Variants in TXNDC9 observed in about 807,000 individuals in gnomAD.
The protein encoded by TXNDC9 is thioredoxin domain containing 9, also known as thioredoxin domain-containing protein 9.
Under a neutral mutation model 23.0 loss-of-function variants are expected in TXNDC9, and 7 were observed. The ratio of observed to expected loss-of-function variants is 0.30; its 90% confidence interval spans 0.17 to 0.57. The LOEUF is 0.57. Among genes scored for constraint, TXNDC9 ranks in the 20% least tolerant of loss-of-function variants. The pLI is 0.90. For missense variants in TXNDC9, 198 were observed against 252.6 expected, an observed-to-expected ratio of 0.78 and a Z score of 1.47; for synonymous variants, 72 against 90.6, an observed-to-expected ratio of 0.79 and a Z score of 1.17.
intron 3 of TXNDC9, among the ~76,000 whole-genome samples, chr2:99,323,085 C>T (rs1443581231): frequency 6.6e-6 from 1 of 152,018 alleles, no homozygotes; most frequent in Non-Finnish European, 1.5e-5. Flanking sequence ...TTTATTAAGC[C>T]ATCTTCCAAT....
At chr2:99,330,286 ATCTC>A (rs1238328246) in intron 2 of TXNDC9, among the ~76,000 whole-genome samples, 1 of 126,686 alleles carries the variant, frequency 7.9e-6, no homozygotes, top group Non-Finnish European at 1.6e-5. Flanking sequence ...CAAGACTCTT[ATCTC>A]AAAAAAAAAA....
At chr2:99,332,231 TCA>T (rs2094227548) in intron 2 of TXNDC9, among the ~76,000 whole-genome samples, 1 of 152,134 alleles carries the variant, frequency 6.6e-6, no homozygotes, top group Admixed American at 6.5e-5. Context: ...TCACTTGAGG[TCA>T]GAAGTTCAAG....
At chr2:99,317,943 T>G (rs1014629918), downstream of TXNDC9, among the ~76,000 whole-genome samples, 2 of 152,136 alleles carry the variant, frequency 1.3e-5, no homozygotes, top group African/African-American at 4.8e-5. Flanking sequence ...CAGGCTGGGG[T>G]GGAGTGGTGT....
chr2:99,327,505 A>G (rs370820067), intron 3 of TXNDC9, 30 bp downstream of exon 3: 2 of 1,473,654 alleles, frequency 1.4e-6, no homozygotes, highest in South Asian at 2.3e-5. Flanking sequence ...GTGTTTTTTT[A>G]GAAAAAGTCA....
chr2:99,313,872 C>A, the TXNDC9 span, among the ~76,000 whole-genome samples: 1 of 152,116 alleles, frequency 6.6e-6, no homozygotes, highest in Non-Finnish European at 1.5e-5. Context: ...CTATTTCATT[C>A]CTAAAATATT....
chr2:99,314,528 C>CTTTTT (rs1559230942), downstream of TXNDC9, among the ~76,000 whole-genome samples: 17 of 51,122 alleles, frequency 3.3e-4, no homozygotes, highest in African/African-American at 9.0e-4. Context: ...AAATACTACA[C>CTTTTT]CTTTTTTTTT....
At chr2:99,312,496 CAAAA>C in the TXNDC9 span, among the ~76,000 whole-genome samples, 1 of 61,304 alleles carries the variant, frequency 1.6e-5, no homozygotes. Flanking sequence ...GACTCCGTCT[CAAAA>C]AAAAAAAAAA....
At chr2:99,318,574 T>C (rs555984307), downstream of TXNDC9, among the ~76,000 whole-genome samples, 40 of 152,284 alleles carry the variant, frequency 2.6e-4, no homozygotes, top group African/African-American at 9.6e-4. Context: ...CTAGGAGTTA[T>C]ACTCACAGTC....
At chr2:99,310,929 C>T in the TXNDC9 span, among the ~76,000 whole-genome samples, 441 of 152,332 alleles carry the variant, frequency 2.9e-3, 2 homozygotes, top group African/African-American at 1.0e-2. Flanking sequence ...TTCTCCGTTC[C>T]TTCCTGAGAG....
chr2:99,320,268 A>C (rs1490356752), intron 4 of TXNDC9, among the ~76,000 whole-genome samples: 1 of 152,168 alleles, frequency 6.6e-6, no homozygotes, highest in Non-Finnish European at 1.5e-5. Flanking sequence ...TTGGCATCCC[A>C]AAGTGCTGGG....
chr2:99,333,885 T>C (rs1015807295), intron 1 of TXNDC9, among the ~76,000 whole-genome samples: 1 of 152,222 alleles, frequency 6.6e-6, no homozygotes, highest in Non-Finnish European at 1.5e-5. Flanking sequence ...TTAATACTGG[T>C]TTCCATTTAC....
the TXNDC9 span, among the ~76,000 whole-genome samples, chr2:99,308,770 G>A: frequency 6.6e-6 from 1 of 151,848 alleles, no homozygotes; most frequent in African/African-American, 2.4e-5. Context: ...GGAGTGCAGT[G>A]GTGCAATCTT....
intron 4 of TXNDC9, chr2:99,321,601 T>G (rs2105319703): frequency 5.9e-6 from 1 of 169,164 alleles, no homozygotes; most frequent in Non-Finnish European, 1.3e-5. Flanking sequence ...AGAATTCATT[T>G]GAGCAATCTG....
the TXNDC9 span, among the ~76,000 whole-genome samples, chr2:99,307,969 C>T: frequency 2.0e-5 from 3 of 152,148 alleles, no homozygotes; most frequent in African/African-American, 7.2e-5. Context: ...TCTCTGCAAG[C>T]TGTGTAAGAA....
chr2:99,321,834 T>C (rs948438391), intron 4 of TXNDC9, 121 bp downstream of exon 4: 1 of 1,146,250 alleles, frequency 8.7e-7, no homozygotes, highest in Middle Eastern at 2.2e-4. Flanking sequence ...TTTGAGAAAC[T>C]TTCCACATCT....
In TXNDC9 at chr2:99,336,309, C is replaced by A. The variant is rs1018318059; in HGVS notation, c.-103G>T. Reference sequence around the variant, plus strand: ...AAAGACACGTCCACTCCGGCTTTTGCCTTGCAGTAGCTGCCGGCGGCTGCA... The same window carrying A: ...AAAGACACGTCCACTCCGGCTTTTGACTTGCAGTAGCTGCCGGCGGCTGCA... On this transcript the variant is annotated 5_prime_UTR_variant, in exon 1 of 5. Coordinates refer to ENST00000264255, the MANE Select transcript of TXNDC9 (RefSeq NM_005783.4). 2 of 985,534 alleles carry A rather than the reference C, an allele frequency of 2.0e-6. No homozygotes were observed. The highest frequency in any genetic ancestry group is 2.4e-6 in the Non-Finnish European group (2 of 830,012). 61.0% of individuals were successfully genotyped at this position (985,534 alleles called of 1,614,324 possible). A position where few individuals can be genotyped will look rare whatever the true frequency, so the allele number is the denominator to read the frequency against.
At chr2:99,317,719 C>A (rs2094192416), downstream of TXNDC9, among the ~76,000 whole-genome samples, 1 of 151,836 alleles carries the variant, frequency 6.6e-6, no homozygotes. Flanking sequence ...TTCAAGTGGT[C>A]CTCCCGCCTC....
At chr2:99,333,377 T>C (rs570253362) in intron 1 of TXNDC9, 135 bp from the exon 2 acceptor site, 41 of 683,466 alleles carry the variant, frequency 6.0e-5, no homozygotes, top group Non-Finnish European at 8.6e-5. Context: ...AAGCACTTGA[T>C]GCTGGGCTTA....
chr2:99,317,773 T>C (rs1574902244), downstream of TXNDC9, among the ~76,000 whole-genome samples: 1 of 152,172 alleles, frequency 6.6e-6, no homozygotes, highest in East Asian at 1.9e-4. Context: ...CCACCACACC[T>C]GGCCACTCTT....
Sources: allele counts gnomAD v4.1 joint callset (sites outside exome capture counted in the v4.1 genomes callset), GRCh38; gene constraint gnomAD v4.1.1; transcripts MANE v1.5; gene names NCBI Gene and HGNC (gene_info 2026-07-23, HGNC 2026-07-21).